PTPRD: variants seen among roughly 807,000 people sequenced by gnomAD.
PTPRD encodes the protein receptor-type tyrosine-protein phosphatase delta.
PTPRD carries 34 observed loss-of-function variants against 214.5 expected under a neutral mutation model. That is an observed-to-expected ratio of 0.16 (90% CI 0.12 to 0.21). The LOEUF (loss-of-function observed/expected upper bound fraction) is 0.21, where lower values mean the gene tolerates loss of function less well. PTPRD is among the 10% of genes least tolerant of loss of function. The pLI, the probability that PTPRD is intolerant of heterozygous loss-of-function variation, is 1.00. For missense variants in PTPRD, 2,545 were observed against 2,398.7 expected (o/e 1.06, Z -1.27); for synonymous variants, 1,128 against 845.7 (o/e 1.33, Z -5.79).
chr9:8,714,329 T>A (rs989266776), intron 12 of PTPRD, among the ~76,000 whole-genome samples: 6 of 152,212 alleles, frequency 3.9e-5, no homozygotes, highest in Non-Finnish European at 8.8e-5. Context: ...TTTGTTTTGT[T>A]TTGTTTTATA....
At chr9:9,380,515 G>A (rs892288745) in intron 9 of PTPRD, among the ~76,000 whole-genome samples, 1 of 151,986 alleles carries the variant, frequency 6.6e-6, no homozygotes, top group African/African-American at 2.4e-5. Context: ...TTCTGTTATT[G>A]ATTTATAGTT....
chr9:8,437,526 T>A (rs917762768), intron 34 of PTPRD, among the ~76,000 whole-genome samples: 1 of 152,140 alleles, frequency 6.6e-6, no homozygotes, highest in Non-Finnish European at 1.5e-5. Context: ...GACACCAAAC[T>A]GAGCTTCAAA....
At chr9:10,450,885 A>C (rs370345393) in intron 2 of PTPRD, among the ~76,000 whole-genome samples, 1 of 151,966 alleles carries the variant, frequency 6.6e-6, no homozygotes, top group Admixed American at 6.5e-5. Flanking sequence ...CAGGTTATTC[A>C]TATAGAATTT....
chr9:8,460,794 A>C (rs1163175706), intron 32 of PTPRD, among the ~76,000 whole-genome samples: 1 of 152,064 alleles, frequency 6.6e-6, no homozygotes, highest in Non-Finnish European at 1.5e-5. Context: ...ATTTTATAAT[A>C]AAATCATTTT....
At chr9:10,073,773 G>A (rs1383505370) in intron 3 of PTPRD, among the ~76,000 whole-genome samples, 1 of 152,098 alleles carries the variant, frequency 6.6e-6, no homozygotes, top group Non-Finnish European at 1.5e-5. Flanking sequence ...ACAAGGGCCA[G>A]ATTATTCAAC....
At chr9:8,491,772 A>T (rs1169704067) in intron 27 of PTPRD, among the ~76,000 whole-genome samples, 1 of 151,994 alleles carries the variant, frequency 6.6e-6, no homozygotes, top group Non-Finnish European at 1.5e-5. Context: ...GGCAAATCTT[A>T]TGACATTTAG....
chr9:10,103,376 A>G (rs886404917), intron 3 of PTPRD, among the ~76,000 whole-genome samples: 1 of 82,432 alleles, frequency 1.2e-5, no homozygotes, highest in South Asian at 3.1e-4. Flanking sequence ...TAAACTGCAT[A>G]TTATATATAT....
At chr9:8,637,395 A>G (rs1049658985) in intron 12 of PTPRD, among the ~76,000 whole-genome samples, 3 of 152,236 alleles carry the variant, frequency 2.0e-5, no homozygotes, top group Non-Finnish European at 4.4e-5. Flanking sequence ...TCTCTAACCC[A>G]GATATTGTAA....
intron 9 of PTPRD, among the ~76,000 whole-genome samples, chr9:9,235,965 T>G (rs898011363): frequency 2.0e-5 from 3 of 152,024 alleles, no homozygotes; most frequent in Non-Finnish European, 2.9e-5. Context: ...GGGGTTATAT[T>G]TAAAAAGAGC....
chr9:9,906,518 C>A (rs542166472), intron 5 of PTPRD, among the ~76,000 whole-genome samples: 8 of 152,046 alleles, frequency 5.3e-5, no homozygotes, highest in African/African-American at 1.9e-4. Context: ...ATGATAGTTA[C>A]ATTGGTCATC....
chr9:8,872,523 G>T (rs187524493), intron 11 of PTPRD, among the ~76,000 whole-genome samples: 2 of 152,204 alleles, frequency 1.3e-5, no homozygotes, highest in East Asian at 3.9e-4. Context: ...TAGTATTTTG[G>T]CCATAATTAT....
At chr9:8,958,023 C>T (rs919860) in intron 11 of PTPRD, among the ~76,000 whole-genome samples, 131,181 of 151,868 alleles carry the variant, frequency 0.86, 57,804 homozygotes, top group Non-Finnish European at 0.96. Flanking sequence ...CCATTAGTTA[C>T]ATGCTCCTTA....
At chr9:9,068,787 T>C (rs901296155) in intron 10 of PTPRD, among the ~76,000 whole-genome samples, 7 of 152,044 alleles carry the variant, frequency 4.6e-5, no homozygotes, top group Non-Finnish European at 1.5e-5. Context: ...AATTTTTGTA[T>C]TTTTAGCAGA....
chr9:8,892,617 ATGTGTATATATATG>A (rs1168766832), intron 11 of PTPRD, among the ~76,000 whole-genome samples: 1 of 145,106 alleles, frequency 6.9e-6, no homozygotes. Context: ...GTGTATATAT[ATGTGTATATATATG>A]TGTGTATATA....
chr9:9,201,570 A>C (rs1191942484), intron 9 of PTPRD, among the ~76,000 whole-genome samples: 4 of 152,188 alleles, frequency 2.6e-5, no homozygotes, highest in Non-Finnish European at 5.9e-5. Flanking sequence ...AAAAAAAAAC[A>C]TTGATTTCCT....
At chr9:9,875,029 G>T (rs1406594494) in intron 5 of PTPRD, among the ~76,000 whole-genome samples, 2 of 152,108 alleles carry the variant, frequency 1.3e-5, no homozygotes, top group Non-Finnish European at 2.9e-5. Context: ...TTCTGAGAAT[G>T]ATTAGATAAC....
At chr9:10,539,428 G>C (rs989266876) in intron 2 of PTPRD, among the ~76,000 whole-genome samples, 2 of 152,076 alleles carry the variant, frequency 1.3e-5, no homozygotes, top group African/African-American at 4.8e-5. Flanking sequence ...AAGGTGATCT[G>C]CCTGCCTTGG....
At chr9:8,584,167 A>G (rs566336500) in intron 14 of PTPRD, among the ~76,000 whole-genome samples, 10 of 152,288 alleles carry the variant, frequency 6.6e-5, no homozygotes, top group African/African-American at 2.2e-4. Flanking sequence ...ATTTTTAAAA[A>G]ATTTTAAAAA....
chr9:9,989,741 G>A (rs983562119), intron 4 of PTPRD, among the ~76,000 whole-genome samples: 1 of 152,182 alleles, frequency 6.6e-6, no homozygotes, highest in Non-Finnish European at 1.5e-5. Context: ...AGCTAAAAGA[G>A]TGCACTGTGA....
Sources: gnomAD v4.1 joint callset for allele counts (sites outside exome capture counted in the v4.1 genomes callset) on GRCh38, gnomAD v4.1.1 for gene constraint, MANE v1.5 for transcripts, NCBI Gene and HGNC (gene_info 2026-07-23, HGNC 2026-07-21) for gene names.